Variants in CNTNAP2 observed in about 807,000 individuals in gnomAD.
CNTNAP2 encodes contactin associated protein 2.
Under a neutral mutation model 155.2 loss-of-function variants are expected in CNTNAP2, and 98 were observed. That is an observed-to-expected ratio of 0.63 (90% CI 0.54 to 0.75). CNTNAP2 has a LOEUF of 0.75. Among genes scored for constraint, CNTNAP2 ranks in the 30% least tolerant of loss-of-function variants. The pLI, the probability that CNTNAP2 is intolerant of heterozygous loss-of-function variation, is 0.00. For synonymous variants in CNTNAP2, 651 were observed against 631.2 expected (o/e 1.03, Z -0.47); for missense variants, 1,727 against 1,688.1 (o/e 1.02, Z -0.40).
intron 8 of CNTNAP2, among the ~76,000 whole-genome samples, chr7:147,270,520 T>C (rs1804719554): frequency 6.6e-6 from 1 of 152,224 alleles, no homozygotes; most frequent in South Asian, 2.1e-4. Context: ...GTGGCTCCCA[T>C]TATATTTCTA....
chr7:148,147,629 T>C lies in CNTNAP2; in HGVS notation c.2693T>C (p.Val898Ala), dbSNP rs1474818556. 2 of 1,613,928 alleles carry C rather than the reference T, an allele frequency of 1.2e-6. No individual in the cohort carries two copies. Among genetic ancestry groups the C allele is most frequent in the East Asian group, 2.2e-5 (1 of 44,870 alleles). Residue 898 changes from valine to alanine, a missense_variant, in exon 17 of 24, where the codon GTG becomes GCG. Transcript: ENST00000361727. ...ERNVKQASLQ[V>A]DRLPQQIRKA... Reference sequence around the variant, plus strand: ...AATGTCAAGCAGGCCAGCCTACAGGTGGACCGGCTACCGCAGCAGATCCGC... The same window carrying C: ...AATGTCAAGCAGGCCAGCCTACAGGCGGACCGGCTACCGCAGCAGATCCGC...
chr7:147,014,486 T>C (rs1264398767), intron 3 of CNTNAP2, among the ~76,000 whole-genome samples: 1 of 152,128 alleles, frequency 6.6e-6, no homozygotes, highest in Non-Finnish European at 1.5e-5. Flanking sequence ...TTCCCAGAAA[T>C]GAAAGTAAAT....
chr7:148,063,922 G>C (rs900881359), intron 15 of CNTNAP2, among the ~76,000 whole-genome samples: 12 of 152,076 alleles, frequency 7.9e-5, no homozygotes, highest in African/African-American at 2.9e-4. Context: ...TGAGAGATGA[G>C]GATTCAGTTT....
chr7:146,845,601 T>A (rs549505129), intron 3 of CNTNAP2, among the ~76,000 whole-genome samples: 1 of 152,344 alleles, frequency 6.6e-6, no homozygotes, highest in Non-Finnish European at 1.5e-5. Flanking sequence ...ATTTTCAGAA[T>A]TTTTAGTCAC....
intron 11 of CNTNAP2, among the ~76,000 whole-genome samples, chr7:147,513,668 C>T (rs901970374): frequency 6.6e-6 from 1 of 152,208 alleles, no homozygotes; most frequent in African/African-American, 2.4e-5. Context: ...ATGAAGCAAG[C>T]CAAAAATACA....
At chr7:147,820,526 T>C (rs541286619) in intron 13 of CNTNAP2, among the ~76,000 whole-genome samples, 59 of 152,276 alleles carry the variant, frequency 3.9e-4, no homozygotes, top group African/African-American at 1.4e-3. Flanking sequence ...TTGATTAAGT[T>C]CAATTTAAAT....
intron 20 of CNTNAP2, among the ~76,000 whole-genome samples, chr7:148,234,730 T>C (rs1321871100): frequency 2.6e-5 from 4 of 152,220 alleles, no homozygotes; most frequent in Non-Finnish European, 5.9e-5. Flanking sequence ...CTTTCTGAAA[T>C]TTTGAACTGA....
chr7:147,903,920 T>G (rs561255509), intron 14 of CNTNAP2, among the ~76,000 whole-genome samples, 199 bp downstream of exon 14: 27 of 152,354 alleles, frequency 1.8e-4, no homozygotes, highest in African/African-American at 6.3e-4. Context: ...GACAAGGGTA[T>G]GCATTTAGAA....
At chr7:146,337,426 A>AT (rs1399787287) in intron 1 of CNTNAP2, among the ~76,000 whole-genome samples, 4 of 152,128 alleles carry the variant, frequency 2.6e-5, no homozygotes, top group African/African-American at 9.7e-5. Flanking sequence ...ATCATGTTTA[A>AT]TTATTTTATC....
Position 147,716,683 on chromosome 7 carries a change from T to C in CNTNAP2, c.2098+77377T>C, listed in dbSNP as rs1456117928. ...TGCAAGCTTCCAGCTTCCTTATCTA[T>C]GTTTGCAGCTCGATTTTTCAGGCTG... On this transcript the variant is annotated intron_variant, in intron 13 of 23. Coordinates refer to ENST00000361727, the MANE Select transcript of CNTNAP2 (RefSeq NM_014141.6). Among the ~76,000 whole-genome samples the C allele has an allele frequency of 2.0e-5, 3 of 152,100 alleles. No individual in the cohort carries two copies. In the East Asian group the frequency reaches 5.8e-4, roughly 29 times the overall value.
chr7:146,424,142 A>G (rs1207437241), intron 1 of CNTNAP2, among the ~76,000 whole-genome samples: 1 of 152,206 alleles, frequency 6.6e-6, no homozygotes, highest in Non-Finnish European at 1.5e-5. Context: ...AAATTAATCT[A>G]AAATGATGGA....
In CNTNAP2 at chr7:148,415,649, G is replaced by T; in HGVS notation, c.*33G>T. On this transcript the variant is annotated 3_prime_UTR_variant, in exon 24 of 24. Coordinates refer to ENST00000361727, the MANE Select transcript of CNTNAP2 (RefSeq NM_014141.6). Reference sequence around the variant, plus strand: ...CTACTTGGCTATGGGATAGGGAGGAGGGAATTACTAGGGAGGAGAGAAAGG... The same window carrying T: ...CTACTTGGCTATGGGATAGGGAGGATGGAATTACTAGGGAGGAGAGAAAGG... 1 of 1,611,734 alleles carries T rather than the reference G, an allele frequency of 6.2e-7. No individual in the cohort carries two copies. Among genetic ancestry groups the T allele is most frequent in the Non-Finnish European group, 8.5e-7 (1 of 1,179,326 alleles).
intron 3 of CNTNAP2, among the ~76,000 whole-genome samples, chr7:146,996,974 C>T (rs766105952): frequency 3.3e-5 from 5 of 152,132 alleles, no homozygotes; most frequent in Non-Finnish European, 5.9e-5. Context: ...CTCATTCTCT[C>T]TCTTGCCTGC....
chr7:147,429,694 T>A (rs749376194), intron 10 of CNTNAP2, among the ~76,000 whole-genome samples: 3 of 152,212 alleles, frequency 2.0e-5, no homozygotes, highest in Non-Finnish European at 2.9e-5. Flanking sequence ...TTTTATCGTT[T>A]CACATCTTAA....
At chr7:147,323,702 G>A (rs1795396609) in intron 9 of CNTNAP2, among the ~76,000 whole-genome samples, 1 of 152,102 alleles carries the variant, frequency 6.6e-6, no homozygotes, top group Non-Finnish European at 1.5e-5. Flanking sequence ...TTCATTTAAA[G>A]GAGTTCATTT....
At chr7:147,599,120 T>C (rs1251939051) in intron 12 of CNTNAP2, among the ~76,000 whole-genome samples, 3 of 152,062 alleles carry the variant, frequency 2.0e-5, no homozygotes, top group Non-Finnish European at 4.4e-5. Flanking sequence ...CTTCCGTCTT[T>C]TGCCTAGAAC....
At chr7:146,348,139 G>A (rs370378836) in intron 1 of CNTNAP2, among the ~76,000 whole-genome samples, 2 of 152,068 alleles carry the variant, frequency 1.3e-5, no homozygotes, top group Admixed American at 1.3e-4. Flanking sequence ...GAAGCCACAG[G>A]CTGGGCGCAG....
intron 1 of CNTNAP2, among the ~76,000 whole-genome samples, chr7:146,547,756 T>C (rs974266777): frequency 2.0e-5 from 3 of 151,974 alleles, no homozygotes; most frequent in African/African-American, 7.2e-5. Context: ...GGAATGTTGC[T>C]GTGATAAACG....
chr7:147,721,296 T>G (rs1436349803), intron 13 of CNTNAP2, among the ~76,000 whole-genome samples: 1 of 152,096 alleles, frequency 6.6e-6, no homozygotes, highest in Non-Finnish European at 1.5e-5. Context: ...TTATTTGTCT[T>G]GTTTGTTTTT....
Sources: allele counts gnomAD v4.1 joint callset (sites outside exome capture counted in the v4.1 genomes callset), GRCh38; gene constraint gnomAD v4.1.1; transcripts MANE v1.5; gene names NCBI Gene and HGNC (gene_info 2026-07-23, HGNC 2026-07-21).